The following RIMS1 variants were observed in gnomAD, a reference collection of about 807,000 sequenced individuals.
RIMS1 encodes the protein regulating synaptic membrane exocytosis 1.
RIMS1 carries 83 observed loss-of-function variants against 214.1 expected under a neutral mutation model. That is an observed-to-expected ratio of 0.39 (90% confidence interval 0.32 to 0.47). The LOEUF is 0.47. Among genes scored for constraint, RIMS1 ranks in the 20% least tolerant of loss-of-function variants. The pLI is 0.99. For synonymous variants in RIMS1, 793 were observed against 786.8 expected (o/e 1.01, Z -0.13); for missense variants, 2,050 against 2,161.8 (o/e 0.95, Z 1.03).
intron 27 of RIMS1, among the ~76,000 whole-genome samples, chr6:72,309,624 CCTCT>C (rs1161557965): frequency 9.2e-5 from 14 of 151,912 alleles, no homozygotes; most frequent in Non-Finnish European, 1.9e-4. Flanking sequence ...TTTTTCTTTT[CCTCT>C]CTCTCTTTGC....
intron 2 of RIMS1, among the ~76,000 whole-genome samples, chr6:71,987,475 C>T (rs910089391): frequency 6.6e-6 from 1 of 152,172 alleles, no homozygotes; most frequent in Non-Finnish European, 1.5e-5. Context: ...GAGGGCTCTG[C>T]CTCATGACTT....
chr6:72,332,264 T>C (rs531293059), intron 28 of RIMS1, among the ~76,000 whole-genome samples: 1 of 151,892 alleles, frequency 6.6e-6, no homozygotes, highest in Admixed American at 6.6e-5. Flanking sequence ...TAATTAGTTT[T>C]TGCAAATATT....
chr6:72,077,134 G>A (rs1313190492), intron 2 of RIMS1, among the ~76,000 whole-genome samples: 1 of 152,158 alleles, frequency 6.6e-6, no homozygotes, highest in East Asian at 1.9e-4. Flanking sequence ...ATGAGTGGAA[G>A]GCGTGTTTCT....
intron 22 of RIMS1, among the ~76,000 whole-genome samples, chr6:72,267,637 C>T (rs533783841): frequency 1.3e-5 from 2 of 152,114 alleles, no homozygotes; most frequent in Non-Finnish European, 2.9e-5. Context: ...AACCACATTA[C>T]GGTGCTCATT....
At chr6:71,893,987 C>A (rs116769255) in intron 1 of RIMS1, among the ~76,000 whole-genome samples, 1,990 of 152,260 alleles carry the variant, frequency 0.013, 44 homozygotes, top group African/African-American at 0.045. Context: ...TTGTCTTCCT[C>A]TTTTTAAATC....
At chr6:72,295,392 A>G (rs1430602028) in intron 26 of RIMS1, among the ~76,000 whole-genome samples, 1 of 151,832 alleles carries the variant, frequency 6.6e-6, no homozygotes, top group Non-Finnish European at 1.5e-5. Context: ...TTTCATGTGG[A>G]AAATGTTACA....
In RIMS1 at chr6:72,127,889, C is replaced by A. The variant is rs185199410; in HGVS notation, c.471+27903C>A. On this transcript the variant is annotated intron_variant, in intron 4 of 33. Coordinates refer to ENST00000521978, the MANE Select transcript of RIMS1 (RefSeq NM_014989.7). ...CTTACATACAACCAAGTAGGTACAA[C>A]CCACTCCATACATGATCTCAAGATT... Among the ~76,000 whole-genome samples the A allele has an allele frequency of 2.8e-4, 42 of 152,274 alleles. 1 individual carries two copies. In the East Asian group the frequency reaches 7.9e-3, roughly 29 times the overall value.
intron 28 of RIMS1, among the ~76,000 whole-genome samples, chr6:72,325,246 C>T (rs2096397839): frequency 6.6e-6 from 1 of 151,242 alleles, no homozygotes; most frequent in African/African-American, 2.4e-5. Context: ...ATAGAGAGAC[C>T]CCAAACAAAA....
intron 4 of RIMS1, among the ~76,000 whole-genome samples, chr6:72,164,261 G>A (rs1275481132): frequency 1.3e-5 from 2 of 152,126 alleles, no homozygotes; most frequent in Non-Finnish European, 2.9e-5. Context: ...TAGGGTGGGA[G>A]TGACCCGATT....
At chr6:72,173,464 A>C (rs1383996247) in intron 4 of RIMS1, among the ~76,000 whole-genome samples, 1 of 149,762 alleles carries the variant, frequency 6.7e-6, no homozygotes, top group Non-Finnish European at 1.5e-5. Flanking sequence ...CATGTGTTTT[A>C]TCTCTCTAAC....
rs2098838667 is a variant in RIMS1, at chr6:72,402,109, T to A, written c.*1395T>A. On this transcript the variant is annotated 3_prime_UTR_variant, in exon 34 of 34. Transcript: ENST00000521978. ...CACTCCACTTTTGTGATTACACAAA[T>A]AGAGCAGCATGACTTGGAACTGTTC... 1 of 152,310 alleles carries A rather than the reference T, an allele frequency of 6.6e-6. No individual in the cohort carries two copies. The highest frequency in any genetic ancestry group is 1.5e-5 in the Non-Finnish European group (1 of 68,024). 9.4% of individuals were successfully genotyped at this position (152,310 alleles called of 1,614,324 possible). A position where few individuals can be genotyped will look rare whatever the true frequency, so the allele number is the denominator to read the frequency against.
At chr6:72,223,928 A>G (rs1338879796) in intron 6 of RIMS1, among the ~76,000 whole-genome samples, 1 of 142,322 alleles carries the variant, frequency 7.0e-6, no homozygotes, top group Non-Finnish European at 1.5e-5. Flanking sequence ...AGCCTGGGTG[A>G]CAGAGCGAGA....
intron 29 of RIMS1, among the ~76,000 whole-genome samples, chr6:72,346,400 G>A (rs1464521270): frequency 6.6e-6 from 1 of 151,782 alleles, no homozygotes; most frequent in Non-Finnish European, 1.5e-5. Context: ...ATTTCTCAAA[G>A]TTCCTCAAGT....
intron 4 of RIMS1, among the ~76,000 whole-genome samples, chr6:72,113,918 TA>T (rs1339773775): frequency 1.3e-5 from 2 of 152,116 alleles, no homozygotes; most frequent in Non-Finnish European, 2.9e-5. Context: ...CTCCTTGCCC[TA>T]AAATACATAA....
intron 29 of RIMS1, among the ~76,000 whole-genome samples, chr6:72,356,484 C>T (rs992859907): frequency 2.0e-5 from 3 of 152,050 alleles, no homozygotes; most frequent in African/African-American, 4.8e-5. Context: ...TGTGTCCAGG[C>T]ACGGTGGCTT....
At position 71,945,235 on chromosome 6, in the gene RIMS1, G is replaced by A. The variant is rs991313379; in HGVS notation, c.165-23748G>A. ...GCCTCCCCAGTCCTGAAAGAATAAGGAGAAAGAATTCTGAAAGACAGAAAG... is the reference window on the plus strand; with the variant it reads ...GCCTCCCCAGTCCTGAAAGAATAAGAAGAAAGAATTCTGAAAGACAGAAAG... On this transcript the variant is annotated intron_variant, in intron 1 of 33. Transcript: ENST00000521978. Among the ~76,000 whole-genome samples the A allele has an allele frequency of 4.6e-5, 7 of 152,138 alleles. No homozygotes were observed. The South Asian group carries it at 1.5e-3, about 32-fold the overall frequency.
intron 1 of RIMS1, among the ~76,000 whole-genome samples, chr6:71,896,609 T>C (rs1771869660): frequency 6.6e-6 from 1 of 152,036 alleles, no homozygotes; most frequent in Non-Finnish European, 1.5e-5. Flanking sequence ...GCTAGTAAGG[T>C]TGTGCAAATT....
At position 72,348,002 on chromosome 6, in the gene RIMS1, C is replaced by T. The variant is rs371049808; in HGVS notation, c.4366+14167C>T. ...TTTAATGCAGAAGAATCTTGATAAA[C>T]GTCTGTTAGATAGGTGAATGTGATG... On this transcript the variant is annotated intron_variant, in intron 29 of 33. Transcript: ENST00000521978. 4.3e-4 allele frequency among the ~76,000 whole-genome samples: 66 copies of T among 151,926 alleles called. 2 individuals are homozygous for T. Among genetic ancestry groups the T allele is most frequent in the African/African-American group, 1.5e-3 (62 of 41,500 alleles).
chr6:72,297,654 G>A (rs2094222913), intron 26 of RIMS1, among the ~76,000 whole-genome samples: 2 of 151,894 alleles, frequency 1.3e-5, no homozygotes, highest in Admixed American at 1.3e-4. Flanking sequence ...ATGCCTCACA[G>A]AATAGACCAC....
Sources: gnomAD v4.1 joint callset for allele counts (sites outside exome capture counted in the v4.1 genomes callset) on GRCh38, gnomAD v4.1.1 for gene constraint, MANE v1.5 for transcripts, NCBI Gene and HGNC (gene_info 2026-07-23, HGNC 2026-07-21) for gene names.